Variants in DAPK1 observed in about 807,000 individuals in gnomAD.
DAPK1 encodes death associated protein kinase 1, also known as death-associated protein kinase 1.
In DAPK1, 56 loss-of-function variants were observed where a neutral mutation model predicts 144.9. The ratio of observed to expected loss-of-function variants is 0.39; its 90% CI spans 0.31 to 0.48. The LOEUF (loss-of-function observed/expected upper bound fraction) is 0.48. Among genes scored for constraint, DAPK1 ranks in the 20% least tolerant of loss-of-function variants. DAPK1 has a pLI of 0.95. For synonymous variants in DAPK1, 690 were observed against 749.0 expected (o/e 0.92, Z 1.29); for missense variants, 1,454 against 1,875.4 (o/e 0.78, Z 4.15).
intron 18 of DAPK1, 149 bp downstream of exon 18, chr9:87,658,276 G>A (rs537700437): frequency 2.8e-5 from 17 of 596,716 alleles, no homozygotes; most frequent in Admixed American, 2.4e-4. Context: ...CGGTAACATA[G>A]ACATTCGCCT....
At chr9:87,536,734 A>G (rs80182163) in intron 2 of DAPK1, among the ~76,000 whole-genome samples, 2,891 of 152,172 alleles carry the variant, frequency 0.019, 93 homozygotes, top group African/African-American at 0.066. Flanking sequence ...TACTTTTCCT[A>G]TGTTATTTGC....
At chr9:87,590,808 T>C (rs1302329921) in intron 2 of DAPK1, among the ~76,000 whole-genome samples, 1 of 152,130 alleles carries the variant, frequency 6.6e-6, no homozygotes, top group Non-Finnish European at 1.5e-5. Context: ...GGGCTTGTCT[T>C]GAACTCCCAG....
At chr9:87,507,864 C>T (rs1181282888) in intron 2 of DAPK1, among the ~76,000 whole-genome samples, 2 of 152,072 alleles carry the variant, frequency 1.3e-5, no homozygotes, top group African/African-American at 4.8e-5. Flanking sequence ...CCTGATTATT[C>T]TTATTTAGGA....
At chr9:87,683,753 G>A (rs1288246999) in intron 20 of DAPK1, among the ~76,000 whole-genome samples, 2 of 152,200 alleles carry the variant, frequency 1.3e-5, no homozygotes, top group African/African-American at 2.4e-5. Flanking sequence ...CCCACCATGG[G>A]GGGAGCATCT....
chr9:87,601,997 C>T (rs1780799881), intron 2 of DAPK1, among the ~76,000 whole-genome samples: 1 of 152,132 alleles, frequency 6.6e-6, no homozygotes, highest in Admixed American at 6.5e-5. Flanking sequence ...CCTGGCAGCC[C>T]TTTGTCCCCC....
At chr9:87,610,522 T>C (rs140478913) in intron 3 of DAPK1, among the ~76,000 whole-genome samples, 21 of 152,378 alleles carry the variant, frequency 1.4e-4, no homozygotes, top group African/African-American at 5.0e-4. Flanking sequence ...GCTTCTAGCT[T>C]TCCATTCCTA....
In DAPK1 at chr9:87,688,463, G is replaced by A. The variant is rs562521738; in HGVS notation, c.2413+1724G>A. ...TCCTTTCGGATATATACCCAGAAAT[G>A]GGATTGCTGGGTCAAACAGTAGTTT... is the stretch of plus-strand genomic sequence containing the variant. On this transcript the variant is annotated intron_variant, in intron 21 of 25. Transcript: ENST00000408954. Among the ~76,000 whole-genome samples the A allele has an allele frequency of 2.2e-4, 33 of 152,316 alleles. 1 individual carries two copies. The South Asian group carries it at 6.6e-3, about 31-fold the overall frequency.
intron 7 of DAPK1, 28 bp from the exon 8 acceptor site, chr9:87,640,270 G>A (rs765130260): frequency 1.9e-5 from 30 of 1,603,696 alleles, no homozygotes; most frequent in Non-Finnish European, 2.5e-5. Context: ...CATCATTAAT[G>A]TTCTATGCCC....
intron 2 of DAPK1, among the ~76,000 whole-genome samples, chr9:87,567,570 G>A (rs1004421211): frequency 6.6e-6 from 1 of 152,146 alleles, no homozygotes; most frequent in Non-Finnish European, 1.5e-5. Flanking sequence ...AATTAGGCTC[G>A]GTTGTGAGGA....
intron 2 of DAPK1, among the ~76,000 whole-genome samples, chr9:87,593,736 C>T (rs1241995277): frequency 2.0e-5 from 3 of 152,200 alleles, no homozygotes; most frequent in African/African-American, 7.2e-5. Context: ...ATATGAACCT[C>T]CTGCCTTCTT....
At chr9:87,502,546 C>T (rs1020698142) in intron 2 of DAPK1, among the ~76,000 whole-genome samples, 9 of 152,208 alleles carry the variant, frequency 5.9e-5, no homozygotes, top group African/African-American at 1.9e-4. Flanking sequence ...CCTTGGCCGT[C>T]GTTCAGCCTA....
rs768262333 is a variant in DAPK1 at position 87,538,317 on chromosome 9, G to GA, written c.62+39186dup. On this transcript the variant is annotated intron_variant, in intron 2 of 25. Transcript: ENST00000408954. ...GCCATTGGAGGTGGGGAACTGGGAA[G>GA]AAAAAAAATCACCAAAAATTCCACT... 5.3e-5 allele frequency among the ~76,000 whole-genome samples: 8 copies of GA among 151,922 alleles called. No individual in the cohort carries two copies. The East Asian group carries it at 9.7e-4, about 18-fold the overall frequency.
At chr9:87,551,890 GTC>G (rs1028320386) in intron 2 of DAPK1, among the ~76,000 whole-genome samples, 2 of 152,170 alleles carry the variant, frequency 1.3e-5, no homozygotes, top group African/African-American at 4.8e-5. Flanking sequence ...ACACGTGAAA[GTC>G]TAGCCTGCAG....
At chr9:87,560,005 C>G (rs1041447332) in intron 2 of DAPK1, among the ~76,000 whole-genome samples, 2 of 114,368 alleles carry the variant, frequency 1.7e-5, no homozygotes, top group Non-Finnish European at 3.5e-5. Flanking sequence ...TTCCTTTTTT[C>G]TTTTTTTGTT....
chr9:87,671,973 C>T (rs189736134), intron 19 of DAPK1, among the ~76,000 whole-genome samples: 52 of 152,332 alleles, frequency 3.4e-4, no homozygotes, highest in East Asian at 3.1e-3. Context: ...ACTCCAGCTC[C>T]GCCACGCTCT....
Position 87,571,493 on chromosome 9 carries a change from A to ACAC in DAPK1, c.63-33460_63-33459insACC, listed in dbSNP as rs1564001003. On this transcript the variant is annotated intron_variant, in intron 2 of 25. Transcript: ENST00000408954. Reference sequence around the variant, plus strand: ...CACACACCAACACACACACACACACACCCCAACACACACACACACACACAC... The same window carrying ACAC: ...CACACACCAACACACACACACACACACACCCCCAACACACACACACACACACAC... Among the ~76,000 whole-genome samples, 28 of 47,020 alleles carry ACAC rather than the reference A, an allele frequency of 6.0e-4. 1 individual carries two copies. Among genetic ancestry groups the ACAC allele is most frequent in the African/African-American group, 8.0e-4 (7 of 8,720 alleles). The allele number at this position is 47,020 out of a possible 152,430, so 30.8% of individuals were successfully genotyped here.
chr9:87,598,560 A>G (rs1226881034), intron 2 of DAPK1, among the ~76,000 whole-genome samples: 1 of 152,172 alleles, frequency 6.6e-6, no homozygotes. Context: ...CAGCAATGAA[A>G]AGGTTAGACC....
In DAPK1 at chr9:87,527,749, G is replaced by A. The variant is rs540124006; in HGVS notation, c.62+28610G>A. On this transcript the variant is annotated intron_variant, in intron 2 of 25. Coordinates refer to ENST00000408954, the MANE Select transcript of DAPK1 (RefSeq NM_004938.4). The stretch of plus-strand genomic sequence containing the variant: ...GCTTCTTTCTGAACTGTTACTGGCC[G>A]GATTATTGGGACTATTCCCAGGTGT... Among the ~76,000 whole-genome samples the A allele has an allele frequency of 6.9e-4, 105 of 152,290 alleles. 1 individual carries two copies. The South Asian group carries it at 0.018, about 26-fold the overall frequency.
At chr9:87,640,984 T>A in intron 9 of DAPK1, 137 bp downstream of exon 9, 1 of 846,982 alleles carries the variant, frequency 1.2e-6, no homozygotes, top group African/African-American at 1.7e-5. Context: ...CATCGTATCT[T>A]AAGAAAAGCT....
Sources: allele counts gnomAD v4.1 joint callset (sites outside exome capture counted in the v4.1 genomes callset), GRCh38; gene constraint gnomAD v4.1.1; transcripts MANE v1.5; gene names NCBI Gene and HGNC (gene_info 2026-07-23, HGNC 2026-07-21).